The following TFPI variants were observed in gnomAD, a reference collection of about 807,000 sequenced individuals.
TFPI encodes anti-convertin.
Under a neutral mutation model 34.6 loss-of-function variants are expected in TFPI, and 15 were observed. The observed-to-expected ratio is 0.43, with a 90% confidence interval of 0.29 to 0.67. The LOEUF is 0.67. Among genes scored for constraint, TFPI ranks in the 30% least tolerant of loss-of-function variants. TFPI has a pLI of 0.15. For synonymous variants in TFPI, 105 were observed against 120.1 expected, an observed-to-expected ratio of 0.87 and a Z score of 0.82; for missense variants, 301 against 364.0, an observed-to-expected ratio of 0.83 and a Z score of 1.41.
chr2:187,484,071 T>C (rs1693072233), intron 6 of TFPI, 53 bp downstream of exon 6: 100 of 1,445,628 alleles, frequency 6.9e-5, no homozygotes, highest in Non-Finnish European at 9.4e-5. Flanking sequence ...ATCCACTTCA[T>C]TGTTAGCATG....
In TFPI at chr2:187,484,909, T is replaced by C; in HGVS notation, c.437A>G (p.Gln146Arg). The part of the protein sequence containing the change: ...GYITRYFYNN[Q>R]TKQCERFKYG... ...CTTGAAACGTTCACACTGTTTTGTCTGATTGTTATAAAAATACCTGGTAAT... is the reference window on the plus strand; with the variant it reads ...CTTGAAACGTTCACACTGTTTTGTCCGATTGTTATAAAAATACCTGGTAAT... The change falls in exon 5 of 8, where the codon CAG (glutamine) becomes CGG (arginine). Residue 146 changes from glutamine (Q) to arginine (R), a missense_variant. Transcript: ENST00000233156. 3 of 1,588,384 alleles carry C rather than the reference T, an allele frequency of 1.9e-6. No homozygotes were observed. Among genetic ancestry groups the C allele is most frequent in the Non-Finnish European group, 1.7e-6 (2 of 1,170,344 alleles).
At chr2:187,502,672 C>T (rs982989851) in intron 2 of TFPI, among the ~76,000 whole-genome samples, 3 of 152,126 alleles carry the variant, frequency 2.0e-5, no homozygotes, top group African/African-American at 7.2e-5. Context: ...CAGCAGCACT[C>T]TCCATGCTTC....
At chr2:187,537,535 T>G (rs1013710203) in intron 1 of TFPI, among the ~76,000 whole-genome samples, 9 of 152,182 alleles carry the variant, frequency 5.9e-5, no homozygotes, top group African/African-American at 1.4e-4. Context: ...TGGCTAGCCA[T>G]ATGCAGAAAA....
At chr2:187,540,336 T>G (rs892847202) in intron 1 of TFPI, among the ~76,000 whole-genome samples, 1 of 152,190 alleles carries the variant, frequency 6.6e-6, no homozygotes, top group African/African-American at 2.4e-5. Flanking sequence ...CATATCATAC[T>G]ATGATCAAAA....
chr2:187,505,617 G>T (rs555888743), intron 1 of TFPI, among the ~76,000 whole-genome samples: 1 of 152,244 alleles, frequency 6.6e-6, no homozygotes, highest in East Asian at 1.9e-4. Context: ...TAAACCTTAA[G>T]AGTTTTTCAA....
intron 1 of TFPI, among the ~76,000 whole-genome samples, chr2:187,509,225 A>G (rs543416645): frequency 6.6e-6 from 1 of 152,058 alleles, no homozygotes; most frequent in Admixed American, 6.6e-5. Flanking sequence ...TTTTCACATT[A>G]ATGTTCATCA....
chr2:187,493,374 C>T (rs8176472), intron 3 of TFPI, among the ~76,000 whole-genome samples: 34,861 of 152,014 alleles, frequency 0.23, 4,225 homozygotes, highest in Middle Eastern at 0.3. Context: ...GACCCTGGGC[C>T]GGGTCCAGGA....
chr2:187,527,939 G>T (rs1687762012), intron 1 of TFPI, among the ~76,000 whole-genome samples: 1 of 151,878 alleles, frequency 6.6e-6, no homozygotes, highest in South Asian at 2.1e-4. Flanking sequence ...CTAGAACCTG[G>T]ACTACATTAT....
intron 6 of TFPI, among the ~76,000 whole-genome samples, chr2:187,470,614 C>T (rs193182142): frequency 2.6e-5 from 4 of 152,298 alleles, no homozygotes; most frequent in Admixed American, 2.6e-4. Flanking sequence ...CTTCCTTTGA[C>T]TATCCAGTCA....
chr2:187,494,294 T>C (rs971018833), intron 3 of TFPI, among the ~76,000 whole-genome samples: 8 of 149,972 alleles, frequency 5.3e-5, no homozygotes, highest in Admixed American at 2.7e-4. Flanking sequence ...TGAAACCATA[T>C]AACACACATT....
intron 2 of TFPI, among the ~76,000 whole-genome samples, chr2:187,500,815 C>T (rs555031534): frequency 6.6e-6 from 1 of 152,292 alleles, no homozygotes; most frequent in Non-Finnish European, 1.5e-5. Context: ...TGCCATGCCA[C>T]TTCACCCAAA....
rs1443189133 is a variant in TFPI, at chr2:187,465,525, AAAAG to A, written c.*1407_*1410del. 2.7e-5 allele frequency: 4 copies of A among 150,806 alleles called. No homozygotes were observed. The highest frequency in any genetic ancestry group is 7.3e-5 in the African/African-American group (3 of 41,000). 9.3% of individuals were successfully genotyped at this position (150,806 alleles called of 1,614,324 possible). On this transcript the variant is annotated 3_prime_UTR_variant, in exon 8 of 8. Coordinates refer to ENST00000233156, the MANE Select transcript of TFPI (RefSeq NM_006287.6). ...AAAAAAAACAAGAAAAAAGAAAAGA[AAAAG>A]AAAAAAGTAAAAAGCCTAGGGATTG...
chr2:187,472,254 G>A lies in TFPI; in HGVS notation c.629-4322C>T, dbSNP rs558822978. Among the ~76,000 whole-genome samples the A allele has an allele frequency of 7.9e-5, 12 of 152,162 alleles. 1 individual carries two copies. In the South Asian group the frequency reaches 2.5e-3, roughly 32 times the overall value. On this transcript the variant is annotated intron_variant, in intron 6 of 7. Coordinates refer to ENST00000233156, the MANE Select transcript of TFPI (RefSeq NM_006287.6). ...CCTCACTCTTTTTAATGTAGGTACA[G>A]TATTTCATTTTATGAGTTGACTACA...
In TFPI at chr2:187,466,533, T is replaced by A. The variant is rs143723273; in HGVS notation, c.*403A>T. The A allele has an allele frequency of 2.0e-5, 3 of 152,774 alleles. No individual in the cohort carries two copies. The highest frequency in any genetic ancestry group is 4.4e-5 in the Non-Finnish European group (3 of 68,488). The allele number at this position is 152,774 out of a possible 1,614,324, so 9.5% of individuals were successfully genotyped here. On this transcript the variant is annotated 3_prime_UTR_variant, in exon 8 of 8. Transcript: ENST00000233156. ...ATTTTATATGTGAAACTCAGGAAGT[T>A]CTTGATTTTTTAAGAGCTGTATTCC...
intron 1 of TFPI, chr2:187,515,741 C>T (rs1462540361): frequency 6.6e-6 from 1 of 152,142 alleles, no homozygotes; most frequent in African/African-American, 2.4e-5. Context: ...TGCTACAGTT[C>T]TATTATTTTA....
At chr2:187,498,849 A>T (rs1685661648) in intron 2 of TFPI, among the ~76,000 whole-genome samples, 1 of 152,016 alleles carries the variant, frequency 6.6e-6, no homozygotes, top group Non-Finnish European at 1.5e-5. Flanking sequence ...CAATTGTCAT[A>T]AAATAGCTAA....
At chr2:187,484,386 C>T (rs1693103385) in intron 5 of TFPI, 170 bp from the exon 6 acceptor site, 2 of 592,520 alleles carry the variant, frequency 3.4e-6, no homozygotes, top group Non-Finnish European at 5.8e-6. Flanking sequence ...GTAATATTTC[C>T]ATGAGTAACT....
chr2:187,508,622 G>C (rs542311880), intron 1 of TFPI, among the ~76,000 whole-genome samples: 15 of 152,192 alleles, frequency 9.9e-5, no homozygotes, highest in Non-Finnish European at 2.1e-4. Flanking sequence ...TCTGTTATTG[G>C]TGTATAGGAA....
intron 1 of TFPI, among the ~76,000 whole-genome samples, chr2:187,506,183 A>C (rs77639709): frequency 0.016 from 2,440 of 152,172 alleles, 66 homozygotes; most frequent in African/African-American, 0.056. Context: ...CAGCTTTCTT[A>C]AAATTAGAAA....
Sources: allele counts gnomAD v4.1 joint callset (sites outside exome capture counted in the v4.1 genomes callset), GRCh38; gene constraint gnomAD v4.1.1; transcripts MANE v1.5; gene names NCBI Gene and HGNC (gene_info 2026-07-23, HGNC 2026-07-21).